Variants in RAP1GAP2 observed in about 807,000 individuals in gnomAD.
The protein encoded by RAP1GAP2 is rap1 GTPase-activating protein 2.
RAP1GAP2 carries 27 observed loss-of-function variants against 95.0 expected under a neutral mutation model. The ratio of observed to expected loss-of-function variants is 0.28; its 90% CI spans 0.21 to 0.39. RAP1GAP2 has a LOEUF of 0.39. RAP1GAP2 is among the 10% of genes least tolerant of loss of function. The pLI is 1.00. For synonymous variants in RAP1GAP2, 373 were observed against 380.9 expected (o/e 0.98, Z 0.24); for missense variants, 771 against 970.0 (o/e 0.79, Z 2.72).
intron 2 of RAP1GAP2, among the ~76,000 whole-genome samples, chr17:2,900,922 A>C (rs1354835324): frequency 6.6e-6 from 1 of 152,140 alleles, no homozygotes; most frequent in Non-Finnish European, 1.5e-5. Flanking sequence ...TGTGTGAGAC[A>C]TGACGGTTGC....
At chr17:3,002,086 C>A (rs2046180667) in intron 14 of RAP1GAP2, among the ~76,000 whole-genome samples, 1 of 151,958 alleles carries the variant, frequency 6.6e-6, no homozygotes, top group South Asian at 2.1e-4. Context: ...CCTCAGCCTC[C>A]TGAGTAGGTG....
chr17:3,002,019 G>T (rs7503906), intron 14 of RAP1GAP2, among the ~76,000 whole-genome samples: 13,460 of 149,726 alleles, frequency 0.09, 608 homozygotes, highest in Middle Eastern at 0.15. Flanking sequence ...CTAGAGTGCA[G>T]TGGTGTGATC....
At chr17:2,894,525 T>C (rs990285121) in intron 2 of RAP1GAP2, among the ~76,000 whole-genome samples, 1 of 152,174 alleles carries the variant, frequency 6.6e-6, no homozygotes, top group Non-Finnish European at 1.5e-5. Context: ...ACCTCTGTTC[T>C]TGTTACACCT....
chr17:2,942,875 C>T (rs2043548991), intron 3 of RAP1GAP2, among the ~76,000 whole-genome samples: 1 of 152,122 alleles, frequency 6.6e-6, no homozygotes. Flanking sequence ...TCAAACGATT[C>T]TCCTGCCTTA....
Position 2,963,577 on chromosome 17 carries a change from G to T in RAP1GAP2, c.279+115G>T, listed in dbSNP as rs893033172. On this transcript the variant is annotated intron_variant, in intron 6 of 24. Coordinates refer to ENST00000254695, the MANE Select transcript of RAP1GAP2 (RefSeq NM_015085.5). The surrounding 1 kb of genome is among the most constrained non-coding windows in gnomAD (Gnocchi z 4.8). ...CCCCAGGGGAGAGAACCTTGGGCCT[G>T]GGACCTCTCTTCCTGTCTTTGCCTT... 3.5e-5 allele frequency: 48 copies of T among 1,367,316 alleles called. No homozygotes were observed. The highest frequency in any genetic ancestry group is 8.3e-6 in the Non-Finnish European group (8 of 965,486). The allele number at this position is 1,367,316 out of a possible 1,614,324, so 84.7% of individuals were successfully genotyped here. A position where few individuals can be genotyped will look rare whatever the true frequency, so the allele number is the denominator to read the frequency against.
chr17:2,960,592 C>CCGGCTTCAAAT (rs568395344), intron 4 of RAP1GAP2, among the ~76,000 whole-genome samples: 46 of 152,324 alleles, frequency 3.0e-4, no homozygotes, highest in African/African-American at 1.0e-3. Context: ...AGCCGGTGAC[C>CCGGCTTCAAAT]CGGCTTCAAA....
At chr17:2,908,998 G>A (rs1038987140) in intron 3 of RAP1GAP2, among the ~76,000 whole-genome samples, 64 of 152,184 alleles carry the variant, frequency 4.2e-4, no homozygotes, top group African/African-American at 1.4e-3. Flanking sequence ...GAGCCACTGC[G>A]CCTTGTCGAG....
At position 2,825,536 on chromosome 17, in the gene RAP1GAP2, G is replaced by A. The variant is rs1411626688; in HGVS notation, c.80+24986G>A. On this transcript the variant is annotated intron_variant, in intron 2 of 24. Coordinates refer to ENST00000254695, the MANE Select transcript of RAP1GAP2 (RefSeq NM_015085.5). This position sits in a 1 kb window ranked among gnomAD's most constrained non-coding sequence, Gnocchi z 4.1. ...TGTTTTAGGAGCCGGGGATCCCTTT[G>A]TTGAATCCTGGCTCTGCCACTCACT... Among the ~76,000 whole-genome samples the A allele has an allele frequency of 2.0e-5, 3 of 152,098 alleles. No individual in the cohort carries two copies. Among genetic ancestry groups the A allele is most frequent in the Admixed American group, 6.6e-5 (1 of 15,252 alleles).
rs187150433 is a variant in RAP1GAP2, at chr17:3,026,246, G to T, written c.1866-104G>T. 3 of 1,308,008 alleles carry T rather than the reference G, an allele frequency of 2.3e-6. No individual in the cohort carries two copies. The African/African-American group carries it at 4.4e-5, about 19-fold the overall frequency. 81.0% of individuals were successfully genotyped at this position (1,308,008 alleles called of 1,614,324 possible). A position where few individuals can be genotyped will look rare whatever the true frequency, so the allele number is the denominator to read the frequency against. ...TGGAACTCTCCAGAACACAAAGGCC[G>T]ACGGGTGGGGGCGTGGGGAGCCGCC... On this transcript the variant is annotated intron_variant, in intron 20 of 24. Coordinates refer to ENST00000254695, the MANE Select transcript of RAP1GAP2 (RefSeq NM_015085.5).
At chr17:2,929,429 G>C (rs2043070737) in intron 3 of RAP1GAP2, among the ~76,000 whole-genome samples, 1 of 152,108 alleles carries the variant, frequency 6.6e-6, no homozygotes, top group African/African-American at 2.4e-5. Context: ...TAAGAGGAAG[G>C]GGCGCTCCAT....
intron 2 of RAP1GAP2, among the ~76,000 whole-genome samples, chr17:2,896,020 G>A (rs931381398): frequency 3.3e-5 from 5 of 152,000 alleles, no homozygotes; most frequent in Non-Finnish European, 5.9e-5. Flanking sequence ...CGCTTCTCCC[G>A]TAGGTCACTG....
At chr17:2,786,708 G>T (rs563873562) in intron 1 of RAP1GAP2, among the ~76,000 whole-genome samples, 1 of 151,436 alleles carries the variant, frequency 6.6e-6, no homozygotes, top group South Asian at 2.1e-4. Context: ...GCAGTGGCGT[G>T]GTCTCGGGCT....
At chr17:2,896,248 A>G (rs1013586090) in intron 2 of RAP1GAP2, among the ~76,000 whole-genome samples, 2 of 152,124 alleles carry the variant, frequency 1.3e-5, no homozygotes, top group Non-Finnish European at 2.9e-5. Context: ...TGCCCGGATC[A>G]TTTTCTCAGA....
At chr17:2,912,285 C>T (rs1454947461) in intron 3 of RAP1GAP2, among the ~76,000 whole-genome samples, 1 of 152,020 alleles carries the variant, frequency 6.6e-6, no homozygotes, top group Non-Finnish European at 1.5e-5. Context: ...CACCCTCTCT[C>T]CCTGGGGTTG....
chr17:3,023,223 C>T (rs1167508065), intron 19 of RAP1GAP2, among the ~76,000 whole-genome samples: 1 of 152,190 alleles, frequency 6.6e-6, no homozygotes, highest in Non-Finnish European at 1.5e-5. Flanking sequence ...TGGCCTGTAA[C>T]TCTCTTTTTG....
chr17:2,792,421 G>A (rs533149454), upstream of RAP1GAP2, among the ~76,000 whole-genome samples: 6 of 152,322 alleles, frequency 3.9e-5, no homozygotes, highest in East Asian at 9.7e-4. Flanking sequence ...GAAAACTGAG[G>A]CCTGGAGAGA....
At chr17:2,887,132 G>A (rs75163101) in intron 2 of RAP1GAP2, among the ~76,000 whole-genome samples, 3,211 of 151,824 alleles carry the variant, frequency 0.021, 107 homozygotes, top group African/African-American at 0.073. Flanking sequence ...GTGCAGTGGC[G>A]CATTGCACTC....
At chr17:2,999,763 A>C (rs1356241504) in intron 14 of RAP1GAP2, among the ~76,000 whole-genome samples, 1 of 151,536 alleles carries the variant, frequency 6.6e-6, no homozygotes, top group Non-Finnish European at 1.5e-5. Context: ...CCTGGGCAAC[A>C]TAGCGAGACC....
chr17:2,961,510 G>A lies in RAP1GAP2; in HGVS notation c.202-1160G>A, dbSNP rs141073379. On this transcript the variant is annotated intron_variant, in intron 4 of 24. Transcript: ENST00000254695. ...AGCCTGGGCAATAGAGAGAGACTCC[G>A]TCTCAAAAACAAAAACAAACAAACA... 4.2e-3 allele frequency among the ~76,000 whole-genome samples: 641 copies of A among 151,266 alleles called. 2 individuals are homozygous for A. The highest frequency in any genetic ancestry group is 0.014 in the African/African-American group (560 of 41,062).
Sources: allele counts gnomAD v4.1 joint callset (sites outside exome capture counted in the v4.1 genomes callset), GRCh38; gene constraint gnomAD v4.1.1; non-coding constraint Gnocchi (gnomAD v3.1); transcripts MANE v1.5; gene names NCBI Gene and HGNC (gene_info 2026-07-23, HGNC 2026-07-21).